The following IGFBP5 variants were observed in gnomAD, a reference collection of about 807,000 sequenced individuals.
The protein encoded by IGFBP5 is insulin-like growth factor-binding protein 5.
IGFBP5 carries 12 observed loss-of-function variants against 28.0 expected under a neutral mutation model. That is an observed-to-expected ratio of 0.43 (90% CI 0.27 to 0.69). The LOEUF (loss-of-function observed/expected upper bound fraction) is 0.69, where lower values mean the gene tolerates loss of function less well. Ranked by LOEUF, IGFBP5 falls within the 30% of genes least tolerant of loss-of-function variation. The pLI, the probability that IGFBP5 is intolerant of heterozygous loss-of-function variation, is 0.20. For synonymous variants in IGFBP5, 152 were observed against 150.2 expected (o/e 1.01, Z -0.09); for missense variants, 344 against 381.6 (o/e 0.90, Z 0.82).
chr2:216,686,145 C>T (rs1482385042), intron 1 of IGFBP5, among the ~76,000 whole-genome samples: 2 of 152,184 alleles, frequency 1.3e-5, no homozygotes, highest in Non-Finnish European at 2.9e-5. Context: ...AGCTGAGCCC[C>T]CCTACCCCAT....
intron 1 of IGFBP5, among the ~76,000 whole-genome samples, chr2:216,682,374 G>C (rs770908631): frequency 6.6e-6 from 1 of 152,188 alleles, no homozygotes; most frequent in Non-Finnish European, 1.5e-5. Flanking sequence ...GCCAGAAGCA[G>C]CCAGCCCGAC....
At chr2:216,688,182 G>T (rs1186513046) in intron 1 of IGFBP5, among the ~76,000 whole-genome samples, 1 of 151,996 alleles carries the variant, frequency 6.6e-6, no homozygotes, top group African/African-American at 2.4e-5. Context: ...TCAGTTATTG[G>T]AAAGATTTTA....
rs1027609469 is a variant in IGFBP5, at chr2:216,692,563, C to A, written c.337+1876G>T. Among the ~76,000 whole-genome samples the A allele has an allele frequency of 6.6e-5, 10 of 152,092 alleles. No homozygotes were observed. The highest frequency in any genetic ancestry group is 2.4e-4 in the African/African-American group (10 of 41,422). ...TCTTTCGGTGTGACTGGATTGTTAC[C>A]CAGGGCGGTGGCTCCCAAGCCGGGA... On this transcript the variant is annotated intron_variant, in intron 1 of 3. Coordinates refer to ENST00000233813, the MANE Select transcript of IGFBP5 (RefSeq NM_000599.4). This position sits in a 1 kb window ranked among gnomAD's most constrained non-coding sequence, Gnocchi z 4.2.
chr2:216,693,331 A>C (rs1208605790), intron 1 of IGFBP5, among the ~76,000 whole-genome samples: 1 of 150,776 alleles, frequency 6.6e-6, no homozygotes, highest in East Asian at 2.0e-4. Flanking sequence ...CGAGGCTCCC[A>C]GTGCGTGGCT....
chr2:216,674,605 C>T lies in IGFBP5; in HGVS notation c.*2146G>A, dbSNP rs575441338. 2.4e-4 allele frequency: 36 copies of T among 152,388 alleles called. No individual in the cohort carries two copies. Among genetic ancestry groups the T allele is most frequent in the African/African-American group, 8.7e-4 (36 of 41,576 alleles). 9.4% of individuals were successfully genotyped at this position (152,388 alleles called of 1,614,324 possible). ...CTGTGTCCACAGCACGAAGGGGTCT[C>T]CTTGGCCAGTGTCCAAGCCCCCTTT... On this transcript the variant is annotated 3_prime_UTR_variant, in exon 4 of 4. Coordinates refer to ENST00000233813, the MANE Select transcript of IGFBP5 (RefSeq NM_000599.4). This position sits in a 1 kb window ranked among gnomAD's most constrained non-coding sequence, Gnocchi z 4.4.
chr2:216,689,868 C>T (rs1217288067), intron 1 of IGFBP5, among the ~76,000 whole-genome samples: 1 of 152,228 alleles, frequency 6.6e-6, no homozygotes, highest in African/African-American at 2.4e-5. Context: ...CACTAACTAA[C>T]TAACCTGGTT....
intron 3 of IGFBP5, among the ~76,000 whole-genome samples, chr2:216,677,580 T>C (rs1258675978): frequency 3.3e-5 from 5 of 152,186 alleles, no homozygotes; most frequent in Non-Finnish European, 4.4e-5. Context: ...ATTTAGATTA[T>C]TGGTGCCCTT....
Position 216,679,019 on chromosome 2 carries a change from G to A in IGFBP5, c.398C>T (p.Ser133Phe), listed in dbSNP as rs767402316. The A allele has an allele frequency of 6.8e-6, 11 of 1,614,064 alleles. No individual in the cohort carries two copies. Among genetic ancestry groups the A allele is most frequent in the Non-Finnish European group, 9.3e-6 (11 of 1,180,056 alleles). The change falls in exon 2 of 4, where the codon TCC (serine) becomes TTC (phenylalanine). Residue 133 changes from serine to phenylalanine, a missense_variant. Coordinates refer to ENST00000233813, the MANE Select transcript of IGFBP5 (RefSeq NM_000599.4). This position sits in a 1 kb window ranked among gnomAD's most constrained non-coding sequence, Gnocchi z 4.6. ...TTSEMAEETY[S>F]PKIFRPKHTR... The stretch of plus-strand genomic sequence containing the variant: ...GTGTTTGGGCCGGAAGATCTTGGGG[G>A]AGTAGGTCTCCTCGGCCATCTCAGA...
At chr2:216,693,674 T>C (rs867446512) in intron 1 of IGFBP5, among the ~76,000 whole-genome samples, 1 of 152,124 alleles carries the variant, frequency 6.6e-6, no homozygotes. Context: ...TCCTTTCTAC[T>C]CTTCCCCACC....
chr2:216,672,380 T>C lies in IGFBP5; in HGVS notation c.*4371A>G, dbSNP rs1688840583. On this transcript the variant is annotated 3_prime_UTR_variant, in exon 4 of 4. Coordinates refer to ENST00000233813, the MANE Select transcript of IGFBP5 (RefSeq NM_000599.4). ...TTGTTGATTTATTTTTCCATCCTTT[T>C]CACCAGTAAAGATTATCATCGTTTA... The C allele has an allele frequency of 2.6e-5, 4 of 150,996 alleles. No homozygotes were observed. Among genetic ancestry groups the C allele is most frequent in the Non-Finnish European group, 1.5e-5 (1 of 67,760 alleles). 9.4% of individuals were successfully genotyped at this position (150,996 alleles called of 1,614,324 possible).
chr2:216,694,654 C>A lies in IGFBP5; in HGVS notation c.122G>T (p.Ser41Ile). 6.5e-7 allele frequency: 1 copy of A among 1,527,786 alleles called. No homozygotes were observed. The highest frequency in any genetic ancestry group is 1.3e-5 in the South Asian group (1 of 78,554). The allele number at this position is 1,527,786 out of a possible 1,614,324, so 94.6% of individuals were successfully genotyped here. ...DEKALSMCPP[S>I]PLGCELVKEP... ...CTTGACCAGCTCGCAGCCCAGGGGG[C>A]TGGGGGGGCACATGGAGAGGGCTTT... Residue 41 changes from serine to isoleucine, a missense_variant, in exon 1 of 4, where the codon AGC (serine) becomes ATC (isoleucine). Physicochemically the swap from Ser to Ile is moderately radical, Grantham distance 142. Around this residue, in one of 3 missense-constraint regions of IGFBP5, gnomAD observed 304 missense variants for 329.2 expected, o/e 0.92. Coordinates refer to ENST00000233813, the MANE Select transcript of IGFBP5 (RefSeq NM_000599.4). The surrounding 1 kb of genome is among the most constrained non-coding windows in gnomAD (Gnocchi z 5.2).
intron 1 of IGFBP5, among the ~76,000 whole-genome samples, chr2:216,690,972 T>G (rs963345167): frequency 6.6e-6 from 1 of 151,550 alleles, no homozygotes; most frequent in Admixed American, 6.6e-5. Context: ...ACTCCCGTTT[T>G]GGTTGGCTCA....
chr2:216,694,428 A>G lies in IGFBP5; in HGVS notation c.337+11T>C. The G allele has an allele frequency of 6.6e-7, 1 of 1,515,032 alleles. No homozygotes were observed. Among genetic ancestry groups the G allele is most frequent in the Non-Finnish European group, 8.8e-7 (1 of 1,133,904 alleles). 93.8% of individuals were successfully genotyped at this position (1,515,032 alleles called of 1,614,324 possible). A position where few individuals can be genotyped will look rare whatever the true frequency, so the allele number is the denominator to read the frequency against. On this transcript the variant is annotated intron_variant, in intron 1 of 3. Coordinates refer to ENST00000233813, the MANE Select transcript of IGFBP5 (RefSeq NM_000599.4). The surrounding 1 kb of genome is among the most constrained non-coding windows in gnomAD (Gnocchi z 5.2). ...CGCCGCGTAACTGACTGGCACACTG[A>G]GCGCGCTCACCGATCTTGACTTGCT...
At chr2:216,677,113 T>G (rs577710132) in intron 3 of IGFBP5, among the ~76,000 whole-genome samples, 1 of 152,018 alleles carries the variant, frequency 6.6e-6, no homozygotes. Flanking sequence ...CTTTCCTTTT[T>G]TTTTTTTCAG....
chr2:216,694,695 G>T lies in IGFBP5; in HGVS notation c.81C>A (p.Cys27Ter). The change falls in exon 1 of 4, where the codon TGC becomes TGA. Residue 27 changes from cysteine to a stop codon, truncating the protein, a stop_gained. Transcript: ENST00000233813. LOFTEE classifies it high-confidence loss of function. The surrounding 1 kb of genome is among the most constrained non-coding windows in gnomAD (Gnocchi z 5.2). ...AGAGGGCTTTCTCGTCGCAGGGCTC[G>T]CAGTGCACGAAGGAGCCCAGGCTCT... is the stretch of plus-strand genomic sequence containing the variant. ...PAQSLGSFVH[C>*]EPCDEKALSM... 6.6e-7 allele frequency: 1 copy of T among 1,512,046 alleles called. No individual in the cohort carries two copies. 93.7% of individuals were successfully genotyped at this position (1,512,046 alleles called of 1,614,324 possible). A position where few individuals can be genotyped will look rare whatever the true frequency, so the allele number is the denominator to read the frequency against.
chr2:216,683,245 C>T lies in IGFBP5; in HGVS notation c.338-4166G>A, dbSNP rs538669959. On this transcript the variant is annotated intron_variant, in intron 1 of 3. Coordinates refer to ENST00000233813, the MANE Select transcript of IGFBP5 (RefSeq NM_000599.4). Reference sequence around the variant, plus strand: ...CTGAGACCGGAGGATTGCTTGAGCCCGGAAGGTGGGAGGTTGGAGGTAGGA... The same window carrying T: ...CTGAGACCGGAGGATTGCTTGAGCCTGGAAGGTGGGAGGTTGGAGGTAGGA... Among the ~76,000 whole-genome samples, 6 of 152,200 alleles carry T rather than the reference C, an allele frequency of 3.9e-5. No individual in the cohort carries two copies. The South Asian group carries it at 1.0e-3, about 26-fold the overall frequency.
chr2:216,680,856 C>T (rs530872030), intron 1 of IGFBP5, among the ~76,000 whole-genome samples: 6 of 152,272 alleles, frequency 3.9e-5, no homozygotes, highest in African/African-American at 1.4e-4. Context: ...TGGACTCTCA[C>T]CCCCTCTTCC....
Position 216,672,835 on chromosome 2 carries a change from T to C in IGFBP5, c.*3916A>G, listed in dbSNP as rs1196121232. On this transcript the variant is annotated 3_prime_UTR_variant, in exon 4 of 4. Coordinates refer to ENST00000233813, the MANE Select transcript of IGFBP5 (RefSeq NM_000599.4). ...CCATTAGAAAACCAAGAAAGTATGT[T>C]TGAAATAGAAACAAAAGCCTAAGAG... 6.6e-6 allele frequency: 1 copy of C among 152,642 alleles called. No individual in the cohort carries two copies. Among genetic ancestry groups the C allele is most frequent in the Non-Finnish European group, 1.5e-5 (1 of 68,050 alleles). The allele number at this position is 152,642 out of a possible 1,614,324, so 9.5% of individuals were successfully genotyped here.
rs1688943118 is a variant in IGFBP5 at position 216,679,326 on chromosome 2, G to A, written c.338-247C>T. The A allele has an allele frequency of 1.5e-5, 8 of 547,274 alleles. No individual in the cohort carries two copies. In the East Asian group the frequency reaches 2.6e-4, roughly 18 times the overall value. The allele number at this position is 547,274 out of a possible 1,614,324, so 33.9% of individuals were successfully genotyped here. Reference sequence around the variant, plus strand: ...AGAGTGCAGGCAGGGAGGCTTCACAGAGGAGGAGAATCGAGAGACTGACAG... The same window carrying A: ...AGAGTGCAGGCAGGGAGGCTTCACAAAGGAGGAGAATCGAGAGACTGACAG... On this transcript the variant is annotated intron_variant, in intron 1 of 3. Coordinates refer to ENST00000233813, the MANE Select transcript of IGFBP5 (RefSeq NM_000599.4). The surrounding 1 kb of genome is among the most constrained non-coding windows in gnomAD (Gnocchi z 4.6).
Sources: gnomAD v4.1 joint callset for allele counts (sites outside exome capture counted in the v4.1 genomes callset) on GRCh38, gnomAD v4.1.1 for gene constraint, gnomAD v4.1.1 regional missense constraint, Gnocchi (gnomAD v3.1) non-coding constraint, MANE v1.5 for transcripts, NCBI Gene and HGNC (gene_info 2026-07-23, HGNC 2026-07-21) for gene names.